Variants in LYPD6 observed in about 807,000 individuals in gnomAD.
LYPD6 encodes ly6/PLAUR domain-containing protein 6.
A neutral mutation model predicts 22.7 loss-of-function variants in LYPD6; 15 were observed. The ratio of observed to expected loss-of-function variants is 0.66; its 90% CI spans 0.44 to 1.02. LYPD6 has a LOEUF of 1.02. LYPD6 is among the 50% of genes least tolerant of loss of function. The probability of loss-of-function intolerance (pLI) is 0.00; values close to 1 mark genes in which losing one functional copy is unlikely to be tolerated. For synonymous variants in LYPD6, 72 were observed against 77.5 expected (o/e 0.93, Z 0.37); for missense variants, 189 against 208.4 (o/e 0.91, Z 0.57).
rs1219174647 is a variant in LYPD6, at chr2:149,472,508, C to T, written c.*1658C>T. On this transcript the variant is annotated 3_prime_UTR_variant, in exon 5 of 5. Transcript: ENST00000334166. ...TCTGGCTCATAAAATGAGACTCCCT[C>T]AGGGACTAAATATGAACTGACAGCA... The T allele has an allele frequency of 3.3e-5, 5 of 152,724 alleles. No individual in the cohort carries two copies. The highest frequency in any genetic ancestry group is 1.2e-4 in the African/African-American group (5 of 41,562). The allele number at this position is 152,724 out of a possible 1,614,324, so 9.5% of individuals were successfully genotyped here.
At chr2:149,463,822 A>G (rs1681139340) in intron 3 of LYPD6, among the ~76,000 whole-genome samples, 1 of 152,140 alleles carries the variant, frequency 6.6e-6, no homozygotes, top group Non-Finnish European at 1.5e-5. Context: ...AAAATGACAA[A>G]ATTATAGAAA....
At chr2:149,459,297 A>C (rs1681034839) in intron 3 of LYPD6, among the ~76,000 whole-genome samples, 1 of 152,200 alleles carries the variant, frequency 6.6e-6, no homozygotes, top group South Asian at 2.1e-4. Context: ...ATTCAGAGAA[A>C]ATATCCTTCA....
chr2:149,343,806 T>A (rs1299134551), intron 1 of LYPD6, among the ~76,000 whole-genome samples: 1 of 152,142 alleles, frequency 6.6e-6, no homozygotes, highest in Non-Finnish European at 1.5e-5. Flanking sequence ...TCTTTGAACT[T>A]CAGTTTCCTC....
Position 149,400,973 on chromosome 2 carries a change from G to A in LYPD6, c.-71-36665G>A, listed in dbSNP as rs548365355. Among the ~76,000 whole-genome samples the A allele has an allele frequency of 1.6e-4, 25 of 152,204 alleles. No individual in the cohort carries two copies. The East Asian group carries it at 3.3e-3, about 20-fold the overall frequency. On this transcript the variant is annotated intron_variant, in intron 1 of 4. Transcript: ENST00000334166. ...TTCTCATTTCATCTTTCCATACCTC[G>A]TGCTCCCCCAAATGACAACCATGCC...
chr2:149,379,478 T>C (rs1197230342), intron 1 of LYPD6, among the ~76,000 whole-genome samples: 1 of 152,206 alleles, frequency 6.6e-6, no homozygotes, highest in Non-Finnish European at 1.5e-5. Flanking sequence ...AGACCTTCAT[T>C]TTACAATTGA....
intron 1 of LYPD6, among the ~76,000 whole-genome samples, chr2:149,428,035 T>G (rs1456608711): frequency 6.6e-6 from 1 of 152,186 alleles, no homozygotes; most frequent in Non-Finnish European, 1.5e-5. Flanking sequence ...AGATTCGCAG[T>G]TAAGATTGGG....
chr2:149,396,013 T>G (rs1314384608), intron 1 of LYPD6, among the ~76,000 whole-genome samples: 2 of 152,182 alleles, frequency 1.3e-5, no homozygotes, highest in Non-Finnish European at 2.9e-5. Context: ...CTTCATAATG[T>G]TTTATTTAGA....
In LYPD6 at chr2:149,466,172, C is replaced by T. The variant is rs139000340; in HGVS notation, c.218-2473C>T. 4.2e-3 allele frequency among the ~76,000 whole-genome samples: 640 copies of T among 152,204 alleles called. 3 individuals carry two copies. Among genetic ancestry groups the T allele is most frequent in the Middle Eastern group, 0.027 (8 of 294 alleles). ...CTTGGGAAATTCTGCCTGCTCACCC[C>T]GATAAACCTTTGGAGATCATGAGAT... On this transcript the variant is annotated intron_variant, in intron 3 of 4. Coordinates refer to ENST00000334166, the MANE Select transcript of LYPD6 (RefSeq NM_194317.5).
chr2:149,376,328 T>A (rs996626228), intron 1 of LYPD6, among the ~76,000 whole-genome samples: 1 of 152,216 alleles, frequency 6.6e-6, no homozygotes, highest in Non-Finnish European at 1.5e-5. Context: ...CTGCATTTCA[T>A]CTGAATACTA....
rs575492130 is a variant in LYPD6, at chr2:149,423,235, C to T, written c.-71-14403C>T. On this transcript the variant is annotated intron_variant, in intron 1 of 4. Transcript: ENST00000334166. ...CAGCACTGTGGGGGCAGCTGTATCT[C>T]AGGTGGGATGTGGAGGTCAAGGAAT... is the stretch of plus-strand genomic sequence containing the variant. 4.0e-4 allele frequency among the ~76,000 whole-genome samples: 61 copies of T among 152,280 alleles called. No individual in the cohort carries two copies. In the South Asian group the frequency reaches 0.013, roughly 32 times the overall value.
At chr2:149,354,483 G>A (rs530748734) in intron 1 of LYPD6, among the ~76,000 whole-genome samples, 1 of 152,196 alleles carries the variant, frequency 6.6e-6, no homozygotes, top group East Asian at 1.9e-4. Flanking sequence ...TGGCATTACA[G>A]GCATGAACCA....
intron 3 of LYPD6, among the ~76,000 whole-genome samples, chr2:149,452,688 T>C (rs1017966539): frequency 1.3e-5 from 2 of 152,284 alleles, no homozygotes; most frequent in East Asian, 1.9e-4. Flanking sequence ...CCAAATTGCT[T>C]AGGGGATTCA....
In LYPD6 at chr2:149,449,064, G is replaced by T; in HGVS notation, c.134G>T (p.Gly45Val). The T allele has an allele frequency of 6.2e-7, 1 of 1,612,948 alleles. No individual in the cohort carries two copies. The highest frequency in any genetic ancestry group is 1.7e-5 in the Admixed American group (1 of 59,932). ...TTTTTTTTAGCCACACCATATCCTGGTGGATTTAAATGTTTCACCTGTGAA... is the reference window on the plus strand; with the variant it reads ...TTTTTTTTAGCCACACCATATCCTGTTGGATTTAAATGTTTCACCTGTGAA... ...YLHPSTTPYPGGFKCFTCEKA... is the reference protein window; with the variant it reads ...YLHPSTTPYPVGFKCFTCEKA... The change falls in exon 3 of 5, where the codon GGT becomes GTT. Residue 45 changes from glycine (G) to valine (V), a missense_variant. By Grantham distance (109) the Gly-to-Val change is moderately radical. Transcript: ENST00000334166.
intron 1 of LYPD6, among the ~76,000 whole-genome samples, chr2:149,401,879 G>A (rs1187202910): frequency 1.4e-5 from 2 of 140,760 alleles, no homozygotes; most frequent in South Asian, 2.6e-4. Context: ...CCCTTCCCCC[G>A]AATCCCCAAA....
intron 1 of LYPD6, among the ~76,000 whole-genome samples, chr2:149,336,690 T>C (rs1337785330): frequency 6.6e-6 from 1 of 152,222 alleles, no homozygotes; most frequent in Non-Finnish European, 1.5e-5. Flanking sequence ...AAGTGATTTT[T>C]ATTATCTTCT....
At chr2:149,341,833 C>A (rs750703243) in intron 1 of LYPD6, among the ~76,000 whole-genome samples, 1 of 152,094 alleles carries the variant, frequency 6.6e-6, no homozygotes, top group African/African-American at 2.4e-5. Context: ...ATCCCATTTG[C>A]GAGGGAGGAG....
intron 1 of LYPD6, among the ~76,000 whole-genome samples, chr2:149,342,224 A>G (rs1211965411): frequency 3.3e-5 from 5 of 152,146 alleles, no homozygotes; most frequent in Non-Finnish European, 7.4e-5. Flanking sequence ...AATGAAGGAT[A>G]TGCCCCCATG....
intron 1 of LYPD6, among the ~76,000 whole-genome samples, chr2:149,342,580 A>G (rs1221652785): frequency 6.6e-6 from 1 of 152,202 alleles, no homozygotes; most frequent in Non-Finnish European, 1.5e-5. Flanking sequence ...CTTCTATGCT[A>G]CTGAAAAACT....
chr2:149,474,322 C>T (rs991979765), downstream of LYPD6, among the ~76,000 whole-genome samples: 1 of 152,044 alleles, frequency 6.6e-6, no homozygotes, highest in Non-Finnish European at 1.5e-5. Context: ...CCTCAGCCTC[C>T]CGAGTAGCTG....
Sources: allele counts gnomAD v4.1 joint callset (sites outside exome capture counted in the v4.1 genomes callset), GRCh38; gene constraint gnomAD v4.1.1; transcripts MANE v1.5; gene names NCBI Gene and HGNC (gene_info 2026-07-23, HGNC 2026-07-21).